The following LINGO2 variants were observed in gnomAD, a reference collection of about 807,000 sequenced individuals.
LINGO2 encodes leucine rich repeat and Ig domain containing 2.
A neutral mutation model predicts 30.6 loss-of-function variants in LINGO2; 14 were observed. The observed-to-expected ratio is 0.46, with a 90% CI of 0.30 to 0.72. The LOEUF is 0.72. LINGO2 is among the 30% of genes least tolerant of loss of function. The pLI is 0.07. For synonymous variants in LINGO2, 317 were observed against 288.5 expected (o/e 1.10, Z -1.00); for missense variants, 729 against 751.7 (o/e 0.97, Z 0.35).
At chr9:29,119,378 C>G in the LINGO2 span, among the ~76,000 whole-genome samples, 1 of 151,762 alleles carries the variant, frequency 6.6e-6, no homozygotes, top group Non-Finnish European at 1.5e-5. Flanking sequence ...CACACACACA[C>G]CAGTTAAAAA....
In LINGO2 at chr9:28,381,911, T is replaced by C. The variant is rs371565739; in HGVS notation, c.-278-9043A>G. Among the ~76,000 whole-genome samples, 36 of 152,236 alleles carry C rather than the reference T, an allele frequency of 2.4e-4. 1 individual carries two copies. In the East Asian group the frequency reaches 5.2e-3, roughly 22 times the overall value. ...TTTTGTTTCTTCAGTTTTTTTCTTT[T>C]TCTTTTTATATATCCATGGATTCCT... On this transcript the variant is annotated intron_variant, in intron 2 of 5. Transcript: ENST00000379992.
intron 5 of LINGO2, among the ~76,000 whole-genome samples, chr9:27,981,282 A>G (rs1401790122): frequency 6.6e-6 from 1 of 151,684 alleles, no homozygotes; most frequent in African/African-American, 2.4e-5. Flanking sequence ...TCCTCTTAAC[A>G]ACCTTGTAAG....
chr9:28,004,128 G>T (rs984775644), intron 5 of LINGO2, among the ~76,000 whole-genome samples: 1 of 152,016 alleles, frequency 6.6e-6, no homozygotes, highest in Non-Finnish European at 1.5e-5. Flanking sequence ...ATCTTGAATT[G>T]GCCCCTTATT....
At chr9:28,106,578 T>C (rs565577138) in intron 4 of LINGO2, among the ~76,000 whole-genome samples, 1 of 152,244 alleles carries the variant, frequency 6.6e-6, no homozygotes, top group Non-Finnish European at 1.5e-5. Context: ...TCAATTCACA[T>C]ACACATTCCA....
chr9:28,570,152 G>T (rs1823608888), intron 1 of LINGO2, among the ~76,000 whole-genome samples: 1 of 151,838 alleles, frequency 6.6e-6, no homozygotes, highest in South Asian at 2.1e-4. Flanking sequence ...TAGTTCCTGT[G>T]GGCATCACTG....
At chr9:28,434,158 C>T (rs1313980071) in intron 2 of LINGO2, among the ~76,000 whole-genome samples, 1 of 151,238 alleles carries the variant, frequency 6.6e-6, no homozygotes, top group Admixed American at 6.6e-5. Context: ...ATGAGGACTG[C>T]AAAGGCATAA....
At chr9:29,165,405 G>A in the LINGO2 span, among the ~76,000 whole-genome samples, 1 of 152,018 alleles carries the variant, frequency 6.6e-6, no homozygotes, top group East Asian at 1.9e-4. Context: ...AAAACCTTAT[G>A]TTGGCTCTCT....
the LINGO2 span, among the ~76,000 whole-genome samples, chr9:28,767,818 T>C: frequency 6.0e-5 from 9 of 151,106 alleles, no homozygotes; most frequent in African/African-American, 2.2e-4. Context: ...GTTCATGCCT[T>C]TTAGGTTTCT....
chr9:28,396,315 T>A (rs978168569), intron 2 of LINGO2, among the ~76,000 whole-genome samples: 4 of 152,184 alleles, frequency 2.6e-5, no homozygotes, highest in Non-Finnish European at 4.4e-5. Flanking sequence ...TATGGGACTA[T>A]TTTAGAGAGT....
At chr9:29,026,399 T>A in the LINGO2 span, among the ~76,000 whole-genome samples, 1 of 152,166 alleles carries the variant, frequency 6.6e-6, no homozygotes, top group African/African-American at 2.4e-5. Context: ...TTTTTATAAA[T>A]GATCCTTTGG....
intron 4 of LINGO2, among the ~76,000 whole-genome samples, chr9:28,214,873 A>G (rs889870132): frequency 1.3e-5 from 2 of 151,736 alleles, no homozygotes; most frequent in African/African-American, 4.8e-5. Context: ...TTTCTATAAA[A>G]TGTAATTTAA....
the LINGO2 span, among the ~76,000 whole-genome samples, chr9:29,181,718 T>C: frequency 6.6e-6 from 1 of 152,138 alleles, no homozygotes; most frequent in Admixed American, 6.5e-5. Flanking sequence ...TAGACTTTCT[T>C]GAGACAGTCC....
chr9:28,191,146 G>A (rs559511803), intron 4 of LINGO2, among the ~76,000 whole-genome samples: 20 of 152,280 alleles, frequency 1.3e-4, no homozygotes, highest in Non-Finnish European at 2.8e-4. Context: ...CATGAGAAAG[G>A]TCCCATGGTT....
chr9:28,953,883 G>T, the LINGO2 span, among the ~76,000 whole-genome samples: 1 of 151,990 alleles, frequency 6.6e-6, no homozygotes, highest in South Asian at 2.1e-4. Flanking sequence ...ATTGTGAATG[G>T]ATCCTTTATC....
chr9:28,179,225 T>A (rs1828831509), intron 4 of LINGO2, among the ~76,000 whole-genome samples: 1 of 148,862 alleles, frequency 6.7e-6, no homozygotes, highest in Non-Finnish European at 1.5e-5. Context: ...TGTGGAAGCA[T>A]TTAGTTTCAA....
At chr9:28,859,728 C>T in the LINGO2 span, among the ~76,000 whole-genome samples, 2 of 151,904 alleles carry the variant, frequency 1.3e-5, no homozygotes, top group African/African-American at 2.4e-5. Flanking sequence ...TTTTACCATT[C>T]TTCAAATCAA....
At chr9:27,967,950 G>C (rs1820178591) in intron 5 of LINGO2, among the ~76,000 whole-genome samples, 1 of 152,102 alleles carries the variant, frequency 6.6e-6, no homozygotes, top group African/African-American at 2.4e-5. Flanking sequence ...TCCAAAAACT[G>C]TAATAACATA....
At chr9:28,529,382 T>C (rs1482560720) in intron 1 of LINGO2, among the ~76,000 whole-genome samples, 1 of 152,128 alleles carries the variant, frequency 6.6e-6, no homozygotes, top group East Asian at 1.9e-4. Flanking sequence ...TTAAATATGG[T>C]ATGTCAGGTG....
intron 5 of LINGO2, among the ~76,000 whole-genome samples, chr9:27,992,475 G>A (rs1821444617): frequency 6.6e-6 from 1 of 151,810 alleles, no homozygotes; most frequent in African/African-American, 2.4e-5. Flanking sequence ...ATCTCTATAT[G>A]GAAATATTAT....
Sources: gnomAD v4.1 joint callset for allele counts (sites outside exome capture counted in the v4.1 genomes callset) on GRCh38, gnomAD v4.1.1 for gene constraint, MANE v1.5 for transcripts, NCBI Gene and HGNC (gene_info 2026-07-23, HGNC 2026-07-21) for gene names.